Variants in RBM44 observed in about 807,000 individuals in gnomAD.
RBM44 encodes the protein RNA binding motif protein 44.
In RBM44, 66 loss-of-function variants were observed where a neutral mutation model predicts 105.1. The observed-to-expected ratio is 0.63, with a 90% CI of 0.52 to 0.77. The LOEUF is 0.77. Ranked by LOEUF, RBM44 falls within the 30% of genes least tolerant of loss-of-function variation. The pLI is 0.00. For synonymous variants in RBM44, 365 were observed against 417.6 expected (o/e 0.87, Z 1.54); for missense variants, 1,122 against 1,207.8 (o/e 0.93, Z 1.05).
chr2:237,811,813 A>G (rs1032008880), intron 1 of RBM44, among the ~76,000 whole-genome samples: 2 of 152,076 alleles, frequency 1.3e-5, no homozygotes, highest in Admixed American at 6.5e-5. Context: ...CCTTTTCTCA[A>G]TGCTCATTTT....
chr2:237,799,769 G>A (rs1052438859), intron 1 of RBM44, among the ~76,000 whole-genome samples: 24 of 152,190 alleles, frequency 1.6e-4, no homozygotes, highest in African/African-American at 5.1e-4. Context: ...AAGCAGGAGC[G>A]TAACTGATTC....
At chr2:237,828,508 G>A (rs2061871386) in intron 12 of RBM44, among the ~76,000 whole-genome samples, 1 of 152,010 alleles carries the variant, frequency 6.6e-6, no homozygotes, top group South Asian at 2.1e-4. Flanking sequence ...CTTACTTGAA[G>A]TATTTTGCAT....
Position 237,818,581 on chromosome 2 carries a change from A to C in RBM44, c.1662A>C (p.Gly554=), listed in dbSNP as rs1576505849. The part of the protein sequence containing the change: ...SLSVDSLKPN[G]NFLNKDFLEL... Reference sequence around the variant, plus strand: ...CCGTTGACAGTTTAAAACCTAATGGAAATTTTCTAAATAAGGTAAAATCAA... The same window carrying C: ...CCGTTGACAGTTTAAAACCTAATGGCAATTTTCTAAATAAGGTAAAATCAA... Residue 554 remains glycine (G), a synonymous_variant, in exon 3 of 16, where the codon GGA becomes GGC. Coordinates refer to ENST00000316997, the MANE Select transcript of RBM44 (RefSeq NM_001080504.3). The surrounding 1 kb of genome is among the most constrained non-coding windows in gnomAD (Gnocchi z 4.6). The C allele has an allele frequency of 5.2e-6, 8 of 1,530,828 alleles. No homozygotes were observed. Among genetic ancestry groups the C allele is most frequent in the East Asian group, 4.6e-5 (2 of 43,490 alleles). The allele number at this position is 1,530,828 out of a possible 1,614,324, so 94.8% of individuals were successfully genotyped here.
intron 13 of RBM44, among the ~76,000 whole-genome samples, chr2:237,831,028 T>C (rs751710414): frequency 2.0e-5 from 3 of 152,036 alleles, no homozygotes; most frequent in Non-Finnish European, 4.4e-5. Flanking sequence ...TTTCCCTTAA[T>C]AAGATAAAGG....
intron 1 of RBM44, among the ~76,000 whole-genome samples, chr2:237,801,727 T>C (rs1423124507): frequency 6.6e-6 from 1 of 152,242 alleles, no homozygotes; most frequent in Non-Finnish European, 1.5e-5. Flanking sequence ...TCCTCTTAAA[T>C]TGGGATGCTC....
intron 9 of RBM44, 51 bp downstream of exon 9, chr2:237,823,605 G>T (rs1229534346): frequency 1.6e-5 from 13 of 827,726 alleles, no homozygotes; most frequent in Non-Finnish European, 2.6e-5. Flanking sequence ...ACAAAATAAG[G>T]TTTAAAGTAT....
intron 15 of RBM44, among the ~76,000 whole-genome samples, chr2:237,840,438 A>G (rs2062001130): frequency 6.6e-6 from 1 of 152,206 alleles, no homozygotes; most frequent in South Asian, 2.1e-4. Flanking sequence ...TAAAGACTTA[A>G]GTGTACAGCC....
chr2:237,839,879 A>G (rs2061994019), intron 15 of RBM44, among the ~76,000 whole-genome samples: 1 of 152,156 alleles, frequency 6.6e-6, no homozygotes, highest in South Asian at 2.1e-4. Flanking sequence ...TTTATAAATC[A>G]TATATCTGAT....
intron 1 of RBM44, chr2:237,799,299 C>G (rs1255910031): frequency 1.3e-5 from 2 of 152,310 alleles, no homozygotes; most frequent in African/African-American, 4.8e-5. Flanking sequence ...TGCCCCTGAC[C>G]GACGCGTAGG....
intron 2 of RBM44, among the ~76,000 whole-genome samples, chr2:237,814,149 G>GAT (rs907308404): frequency 6.6e-6 from 1 of 151,962 alleles, no homozygotes; most frequent in African/African-American, 2.4e-5. Flanking sequence ...AAACTATTAA[G>GAT]ATATATATAT....
At position 237,813,634 on chromosome 2, in the gene RBM44, A is replaced by G. The variant is rs1393177516; in HGVS notation, c.25A>G (p.Thr9Ala). The change falls in exon 2 of 16, where the codon ACA becomes GCA. Residue 9 changes from threonine to alanine, a missense_variant. By Grantham distance (58) the Thr-to-Ala change is moderately conservative. Around this residue, in one of 3 missense-constraint regions of RBM44, gnomAD observed 918 missense variants for 955.3 expected, o/e 0.96. Transcript: ENST00000316997. MQATAVVE[T>A]ASGKGYHSNG... Reference sequence around the variant, plus strand: ...GATGCAGGCCACTGCAGTGGTGGAGACAGCATCTGGTAAAGGCTACCACAG... The same window carrying G: ...GATGCAGGCCACTGCAGTGGTGGAGGCAGCATCTGGTAAAGGCTACCACAG... 2 of 1,611,122 alleles carry G rather than the reference A, an allele frequency of 1.2e-6. No homozygotes were observed.
intron 15 of RBM44, among the ~76,000 whole-genome samples, chr2:237,837,221 G>A (rs73086791): frequency 6.6e-6 from 1 of 151,898 alleles, no homozygotes; most frequent in South Asian, 2.1e-4. Flanking sequence ...AATTAATGGG[G>A]TTTTTTTTAT....
chr2:237,825,642 G>C (rs1005352932), intron 10 of RBM44, among the ~76,000 whole-genome samples: 1 of 152,144 alleles, frequency 6.6e-6, no homozygotes, highest in Non-Finnish European at 1.5e-5. Flanking sequence ...TGAGCTCAGG[G>C]ATTTTTATGT....
At chr2:237,825,394 C>T (rs1478727665) in intron 10 of RBM44, among the ~76,000 whole-genome samples, 3 of 152,054 alleles carry the variant, frequency 2.0e-5, no homozygotes, top group South Asian at 2.1e-4. Context: ...TTAGTAGTGA[C>T]GGGGTTTCAC....
chr2:237,840,333 A>G (rs893964159), intron 15 of RBM44, among the ~76,000 whole-genome samples: 2 of 152,210 alleles, frequency 1.3e-5, no homozygotes, highest in Non-Finnish European at 2.9e-5. Flanking sequence ...CTCCCTATTC[A>G]ATAAATGGTG....
chr2:237,821,879 G>A (rs72987141), intron 8 of RBM44, 52 bp downstream of exon 8: 137,325 of 1,210,732 alleles, frequency 0.11, 8,645 homozygotes, highest in Middle Eastern at 0.19. Flanking sequence ...TATGGTTTAC[G>A]TAAAGTAAAT....
At chr2:237,812,510 C>T (rs532156055) in intron 1 of RBM44, among the ~76,000 whole-genome samples, 1 of 152,308 alleles carries the variant, frequency 6.6e-6, no homozygotes, top group East Asian at 1.9e-4. Flanking sequence ...GTCTCCATGA[C>T]ATGAGATCTG....
chr2:237,830,208 A>C (rs2061890152), intron 13 of RBM44, among the ~76,000 whole-genome samples: 2 of 152,142 alleles, frequency 1.3e-5, no homozygotes. Flanking sequence ...TAGCCCTGTT[A>C]GCCTGGCTTC....
At position 237,827,288 on chromosome 2, in the gene RBM44, T is replaced by C. The variant is rs1405467977; in HGVS notation, c.2488T>C (p.Tyr830His). 1 of 1,595,380 alleles carries C rather than the reference T, an allele frequency of 6.3e-7. No individual in the cohort carries two copies. Among genetic ancestry groups the C allele is most frequent in the African/African-American group, 1.3e-5 (1 of 74,690 alleles). Reference sequence around the variant, plus strand: ...TGAACCCTCACAAAGAGATAAAGGTTATTTGATACATGTTGGTGGCCTCTG... The same window carrying C: ...TGAACCCTCACAAAGAGATAAAGGTCATTTGATACATGTTGGTGGCCTCTG... The part of the protein sequence containing the change: ...NVEPSQRDKG[Y>H]LIHVGGLCPS... Residue 830 changes from tyrosine to histidine, a missense_variant, in exon 11 of 16, where the codon TAT becomes CAT. Around this residue, in one of 3 missense-constraint regions of RBM44, gnomAD observed 918 missense variants for 955.3 expected, o/e 0.96. Coordinates refer to ENST00000316997, the MANE Select transcript of RBM44 (RefSeq NM_001080504.3).
Sources: gnomAD v4.1 joint callset for allele counts (sites outside exome capture counted in the v4.1 genomes callset) on GRCh38, gnomAD v4.1.1 for gene constraint, gnomAD v4.1.1 regional missense constraint, Gnocchi (gnomAD v3.1) non-coding constraint, MANE v1.5 for transcripts, NCBI Gene and HGNC (gene_info 2026-07-23, HGNC 2026-07-21) for gene names.